Variants in GLMN observed in about 807,000 individuals in gnomAD.
GLMN encodes glomulin.
A neutral mutation model predicts 87.8 loss-of-function variants in GLMN; 75 were observed. The ratio of observed to expected loss-of-function variants is 0.85; its 90% confidence interval spans 0.71 to 1.04. The LOEUF (loss-of-function observed/expected upper bound fraction) is 1.04, where lower values mean the gene tolerates loss of function less well. Ranked by LOEUF, GLMN falls within the 50% of genes least tolerant of loss-of-function variation. GLMN has a pLI of 0.00. For missense variants in GLMN, 588 were observed against 658.8 expected (o/e 0.89, Z 1.18); for synonymous variants, 206 against 221.6 (o/e 0.93, Z 0.63).
chr1:92,298,968 G>A lies in GLMN; in HGVS notation c.-74C>T. Reference sequence around the variant, plus strand: ...CTCCCAGCCGCCGCCACCTCCTCCGGCGTCTTAGCCCGCTCTTCTGGCCCC... The same window carrying A: ...CTCCCAGCCGCCGCCACCTCCTCCGACGTCTTAGCCCGCTCTTCTGGCCCC... On this transcript the variant is annotated 5_prime_UTR_variant, in exon 1 of 19. Transcript: ENST00000370360. The A allele has an allele frequency of 2.0e-6, 1 of 510,846 alleles. No individual in the cohort carries two copies. Among genetic ancestry groups the A allele is most frequent in the Non-Finnish European group, 3.5e-6 (1 of 289,232 alleles). 31.6% of individuals were successfully genotyped at this position (510,846 alleles called of 1,614,324 possible).
the GLMN span, among the ~76,000 whole-genome samples, chr1:92,325,344 T>A: frequency 9.9e-5 from 15 of 152,218 alleles, no homozygotes; most frequent in East Asian, 2.9e-3. Flanking sequence ...AGAAATATAT[T>A]TCTATAGAGT....
chr1:92,368,399 G>A, the GLMN span, among the ~76,000 whole-genome samples: 24 of 152,008 alleles, frequency 1.6e-4, no homozygotes, highest in African/African-American at 5.3e-4. Context: ...AAAAATCCAA[G>A]TTCGTTACTG....
At chr1:92,294,877 C>A (rs1649840743) in intron 3 of GLMN, among the ~76,000 whole-genome samples, 1 of 152,186 alleles carries the variant, frequency 6.6e-6, no homozygotes. Context: ...CAGGGTTTCA[C>A]CATGTTGGCC....
chr1:92,254,325 A>T (rs1448314835), intron 16 of GLMN, among the ~76,000 whole-genome samples: 6 of 152,220 alleles, frequency 3.9e-5, no homozygotes, highest in Admixed American at 6.5e-5. Flanking sequence ...GGACAATGGA[A>T]CCAAGGTGGA....
chr1:92,333,196 C>G, the GLMN span: 35 of 524,370 alleles, frequency 6.7e-5, 3 homozygotes, highest in South Asian at 1.0e-3. Flanking sequence ...CCAAAGAGGG[C>G]AAATGACTCA....
At chr1:92,272,766 G>C (rs1054365209) in intron 7 of GLMN, among the ~76,000 whole-genome samples, 5 of 152,054 alleles carry the variant, frequency 3.3e-5, no homozygotes, top group Non-Finnish European at 5.9e-5. Flanking sequence ...AGGACCACAG[G>C]GCTAAATAAA....
chr1:92,347,887 G>A, the GLMN span, among the ~76,000 whole-genome samples: 7 of 151,990 alleles, frequency 4.6e-5, no homozygotes, highest in Non-Finnish European at 1.0e-4. Flanking sequence ...GTAGTGTATC[G>A]CATGTTTCAT....
chr1:92,283,385 T>C (rs755052229), intron 7 of GLMN, among the ~76,000 whole-genome samples: 1 of 152,324 alleles, frequency 6.6e-6, no homozygotes, highest in East Asian at 1.9e-4. Flanking sequence ...ATTATCTTAA[T>C]AGATGCAGAA....
chr1:92,323,390 CG>C, the GLMN span: 1 of 1,273,474 alleles, frequency 7.9e-7, no homozygotes, highest in South Asian at 1.6e-5. Flanking sequence ...CTATTGTTTT[CG>C]GGTTTTATTT....
At chr1:92,305,215 G>A in the GLMN span, among the ~76,000 whole-genome samples, 1 of 151,826 alleles carries the variant, frequency 6.6e-6, no homozygotes, top group Non-Finnish European at 1.5e-5. Flanking sequence ...GGCAGATCAC[G>A]AGGTCAGGAA....
At chr1:92,297,814 G>T in intron 2 of GLMN, 147 bp downstream of exon 2, 1 of 636,186 alleles carries the variant, frequency 1.6e-6, no homozygotes, top group African/African-American at 1.8e-5. Flanking sequence ...AATCCAATCT[G>T]CCTCCCCCAC....
At chr1:92,313,431 T>G in the GLMN span, among the ~76,000 whole-genome samples, 1 of 132,048 alleles carries the variant, frequency 7.6e-6, no homozygotes, top group African/African-American at 2.7e-5. Flanking sequence ...TCAGTAATAT[T>G]TGGAAAGGAA....
chr1:92,302,637 T>G (rs1261916827), upstream of GLMN, among the ~76,000 whole-genome samples: 1 of 128,524 alleles, frequency 7.8e-6, no homozygotes, highest in Non-Finnish European at 1.6e-5. Context: ...AGCCTCACTC[T>G]GTCGCCCAGG....
At chr1:92,322,941 A>G in the GLMN span, among the ~76,000 whole-genome samples, 3 of 147,544 alleles carry the variant, frequency 2.0e-5, no homozygotes, top group East Asian at 1.9e-4. Context: ...TATACTTTAT[A>G]TATTATATAT....
the GLMN span, among the ~76,000 whole-genome samples, chr1:92,316,663 A>G: frequency 2.6e-5 from 4 of 152,344 alleles, no homozygotes; most frequent in East Asian, 5.8e-4. Flanking sequence ...AGCTTTCACA[A>G]CTATCTTCAG....
At chr1:92,364,877 C>G in the GLMN span, among the ~76,000 whole-genome samples, 5 of 152,136 alleles carry the variant, frequency 3.3e-5, no homozygotes, top group Admixed American at 1.3e-4. Flanking sequence ...TCAAGGCAGG[C>G]CTTTGTTCAG....
chr1:92,324,312 G>A, the GLMN span: 1 of 1,614,054 alleles, frequency 6.2e-7, no homozygotes, highest in Non-Finnish European at 8.5e-7. Context: ...TGAGGATCAG[G>A]GAGTTTTACA....
intron 16 of GLMN, among the ~76,000 whole-genome samples, chr1:92,258,434 C>G (rs769389162): frequency 6.6e-6 from 1 of 152,196 alleles, no homozygotes; most frequent in Non-Finnish European, 1.5e-5. Context: ...AATCATTCTA[C>G]TATAAAGACA....
At position 92,288,823 on chromosome 1, in the gene GLMN, A is replaced by G. The variant is rs184186012; in HGVS notation, c.632+91T>C. 1.4e-4 allele frequency: 106 copies of G among 768,510 alleles called. 1 individual carries two copies. In the African/African-American group the frequency reaches 1.6e-3, roughly 11 times the overall value. 47.6% of individuals were successfully genotyped at this position (768,510 alleles called of 1,614,324 possible). On this transcript the variant is annotated intron_variant, in intron 6 of 18. Transcript: ENST00000370360. ...ATTCAAAATCTGAAACTAGATTTCT[A>G]TTTACATGTCAAACAAAGTGAAGAA...
Sources: gnomAD v4.1 joint callset for allele counts (sites outside exome capture counted in the v4.1 genomes callset) on GRCh38, gnomAD v4.1.1 for gene constraint, MANE v1.5 for transcripts, NCBI Gene and HGNC (gene_info 2026-07-23, HGNC 2026-07-21) for gene names.